PHF20: variants seen among roughly 807,000 people sequenced by gnomAD.
PHF20 encodes the protein PHD finger protein 20.
In PHF20, 23 loss-of-function variants were observed where a neutral mutation model predicts 113.5. The ratio of observed to expected loss-of-function variants is 0.20; its 90% confidence interval spans 0.15 to 0.29. The LOEUF is 0.29. Among genes scored for constraint, PHF20 ranks in the 10% least tolerant of loss-of-function variants. The pLI, the probability that PHF20 is intolerant of heterozygous loss-of-function variation, is 1.00. For synonymous variants in PHF20, 434 were observed against 457.3 expected, an observed-to-expected ratio of 0.95 and a Z score of 0.65; for missense variants, 943 against 1,219.6, an observed-to-expected ratio of 0.77 and a Z score of 3.38.
intron 4 of PHF20, among the ~76,000 whole-genome samples, chr20:35,857,404 G>A (rs1433339095): frequency 2.0e-5 from 3 of 151,946 alleles, no homozygotes; most frequent in Non-Finnish European, 4.4e-5. Flanking sequence ...AACTAACAGT[G>A]TAGCAGAAAA....
intron 9 of PHF20, among the ~76,000 whole-genome samples, chr20:35,890,689 T>G (rs942335492): frequency 6.6e-6 from 1 of 152,164 alleles, no homozygotes; most frequent in East Asian, 1.9e-4. Flanking sequence ...GAGACCAGCC[T>G]GGCCAACAGA....
chr20:35,880,579 TA>T (rs111245826), intron 9 of PHF20, among the ~76,000 whole-genome samples: 7,399 of 152,270 alleles, frequency 0.049, 233 homozygotes, highest in African/African-American at 0.099. Context: ...AAAATGTTGT[TA>T]AAAAATGGTA....
intron 1 of PHF20, among the ~76,000 whole-genome samples, chr20:35,790,490 C>T (rs142481024): frequency 2.5e-4 from 38 of 152,232 alleles, no homozygotes; most frequent in African/African-American, 7.5e-4. Flanking sequence ...TGTGAGCCAC[C>T]GGGCCTGACC....
chr20:35,890,923 A>T (rs566434192), intron 9 of PHF20, among the ~76,000 whole-genome samples: 1 of 152,118 alleles, frequency 6.6e-6, no homozygotes, highest in Non-Finnish European at 1.5e-5. Flanking sequence ...AAAACTAAAC[A>T]AAACTGGGTT....
Position 35,939,109 on chromosome 20 carries a change from G to T in PHF20, c.2712+1G>T. On this transcript the variant is annotated splice_donor_variant, in intron 16 of 17. Transcript: ENST00000374012. LOFTEE classifies it high-confidence loss of function. ...TGACCCCAAACCCGGCTCCCCAAAG[G>T]TATGTGGCTGCCTTGTACTTGTTCT... 6.3e-7 allele frequency: 1 copy of T among 1,594,378 alleles called. No homozygotes were observed. The highest frequency in any genetic ancestry group is 2.2e-5 in the East Asian group (1 of 44,636).
At chr20:35,856,449 C>G (rs2042829300) in intron 4 of PHF20, 1 of 152,214 alleles carries the variant, frequency 6.6e-6, no homozygotes, top group African/African-American at 2.4e-5. Context: ...TGGTAACTTG[C>G]ATTTCTAATG....
At chr20:35,887,263 A>G (rs570561259) in intron 9 of PHF20, among the ~76,000 whole-genome samples, 67 of 152,278 alleles carry the variant, frequency 4.4e-4, no homozygotes, top group African/African-American at 1.6e-3. Flanking sequence ...GCTGTGTGAC[A>G]GTATTACCAC....
intron 2 of PHF20, among the ~76,000 whole-genome samples, chr20:35,841,846 T>C (rs561494714): frequency 6.6e-6 from 1 of 152,186 alleles, no homozygotes; most frequent in South Asian, 2.1e-4. Flanking sequence ...AAATTGAGAC[T>C]GTCTGATACA....
intron 2 of PHF20, among the ~76,000 whole-genome samples, chr20:35,833,666 A>G (rs992800032): frequency 2.6e-5 from 4 of 152,152 alleles, no homozygotes; most frequent in Non-Finnish European, 5.9e-5. Context: ...TTTGATCCAA[A>G]GGCTAAGTCT....
At chr20:35,860,203 C>T (rs529748691) in intron 5 of PHF20, among the ~76,000 whole-genome samples, 1 of 151,818 alleles carries the variant, frequency 6.6e-6, no homozygotes, top group South Asian at 2.1e-4. Context: ...AGGTGTGGGC[C>T]ACCATGTCTG....
chr20:35,781,175 G>T (rs986547503), intron 1 of PHF20, among the ~76,000 whole-genome samples: 1 of 143,294 alleles, frequency 7.0e-6, no homozygotes. Flanking sequence ...ATGGATTCTT[G>T]CTCTGTCACC....
chr20:35,829,143 G>A (rs142335731), intron 2 of PHF20, among the ~76,000 whole-genome samples: 50 of 152,234 alleles, frequency 3.3e-4, no homozygotes, highest in African/African-American at 1.2e-3. Flanking sequence ...TCACGATGTA[G>A]CACCTGACTT....
intron 1 of PHF20, among the ~76,000 whole-genome samples, chr20:35,785,546 C>A (rs889841862): frequency 7.2e-5 from 11 of 151,942 alleles, no homozygotes; most frequent in African/African-American, 2.4e-4. Flanking sequence ...TCTCGAACTC[C>A]TGACCTCAGG....
intron 1 of PHF20, among the ~76,000 whole-genome samples, chr20:35,797,142 C>T (rs1050800083): frequency 7.9e-5 from 12 of 151,994 alleles, no homozygotes. Flanking sequence ...GGCCTATACT[C>T]AGCCTCCCAA....
chr20:35,917,739 T>C, intron 13 of PHF20, 77 bp downstream of exon 13: 1 of 1,260,494 alleles, frequency 7.9e-7, no homozygotes, highest in Non-Finnish European at 1.1e-6. Flanking sequence ...CCAGCAACAA[T>C]GGCAAGTCAT....
At chr20:35,842,086 T>C (rs1047904540) in intron 2 of PHF20, among the ~76,000 whole-genome samples, 5 of 152,118 alleles carry the variant, frequency 3.3e-5, no homozygotes, top group Non-Finnish European at 5.9e-5. Context: ...TGGTTCACCC[T>C]TGTAATCTCA....
chr20:35,896,779 C>A lies in PHF20; in HGVS notation c.1283-2591C>A, dbSNP rs369803894. Among the ~76,000 whole-genome samples the A allele has an allele frequency of 2.7e-3, 250 of 92,104 alleles. 2 individuals are homozygous for A. The highest frequency in any genetic ancestry group is 9.9e-3 in the African/African-American group (232 of 23,498). The allele number at this position is 92,104 out of a possible 152,430, so 60.4% of individuals were successfully genotyped here. A position where few individuals can be genotyped will look rare whatever the true frequency, so the allele number is the denominator to read the frequency against. On this transcript the variant is annotated intron_variant, in intron 9 of 17. Transcript: ENST00000374012. ...TCTCACCATTGCACTCCAGCCTGGA[C>A]AAAGAGCAAGACTCCGTCTCAAAAA...
intron 1 of PHF20, among the ~76,000 whole-genome samples, chr20:35,778,455 C>G (rs1182059613): frequency 6.6e-6 from 1 of 152,064 alleles, no homozygotes; most frequent in Non-Finnish European, 1.5e-5. Context: ...ATAGGGTAAC[C>G]TAATGAAAAT....
At chr20:35,803,536 G>T (rs1296596041) in intron 2 of PHF20, among the ~76,000 whole-genome samples, 1 of 151,494 alleles carries the variant, frequency 6.6e-6, no homozygotes, top group Non-Finnish European at 1.5e-5. Context: ...TGTTGGCCAG[G>T]CTGGTCTCCA....
Sources: allele counts gnomAD v4.1 joint callset (sites outside exome capture counted in the v4.1 genomes callset), GRCh38; gene constraint gnomAD v4.1.1; transcripts MANE v1.5; gene names NCBI Gene and HGNC (gene_info 2026-07-23, HGNC 2026-07-21).